The following CCDC180 variants were observed in gnomAD, a reference collection of about 807,000 sequenced individuals.
The protein encoded by CCDC180 is coiled-coil domain-containing protein 180.
A neutral mutation model predicts 209.2 loss-of-function variants in CCDC180; 154 were observed. The ratio of observed to expected loss-of-function variants is 0.74; its 90% CI spans 0.65 to 0.84. CCDC180 has a LOEUF of 0.84. Among genes scored for constraint, CCDC180 ranks in the 40% least tolerant of loss-of-function variants. The pLI is 0.00. For synonymous variants in CCDC180, 778 were observed against 749.1 expected, an observed-to-expected ratio of 1.04 and a Z score of -0.63; for missense variants, 1,874 against 1,997.3, an observed-to-expected ratio of 0.94 and a Z score of 1.18.
At chr9:97,351,360 G>A (rs1462462930) in intron 22 of CCDC180, among the ~76,000 whole-genome samples, 1 of 152,090 alleles carries the variant, frequency 6.6e-6, no homozygotes, top group Non-Finnish European at 1.5e-5. Context: ...CCTGTTAATG[G>A]GCGTGAGGTG....
At position 97,328,157 on chromosome 9, in the gene CCDC180, G is replaced by A; in HGVS notation, c.1788+11G>A. On this transcript the variant is annotated intron_variant, in intron 16 of 36. Transcript: ENST00000529487. ...GAAATCTTTGAACAGGTATGGAGAG[G>A]GTGATGATACACCCAGCCACTCATG... 1.2e-6 allele frequency: 2 copies of A among 1,612,036 alleles called. No individual in the cohort carries two copies. The highest frequency in any genetic ancestry group is 1.7e-4 in the Middle Eastern group (1 of 6,054).
intron 25 of CCDC180, 104 bp from the exon 26 acceptor site, chr9:97,359,878 G>A: frequency 6.9e-7 from 1 of 1,449,920 alleles, no homozygotes; most frequent in Non-Finnish European, 9.5e-7. Flanking sequence ...TAAGCCAAGA[G>A]GTATCCTCAT....
Position 97,362,326 on chromosome 9 carries a change from G to A in CCDC180, c.3787G>A (p.Val1263Ile). ...GAGGAVCSPPVLCSCPGPSSP... is the reference protein window; with the variant it reads ...GAGGAVCSPPILCSCPGPSSP... ...TGGTGGTGCTGTGTGCTCACCTCCT[G>A]TCCTCTGCTCCTGTCCTGGGCCCTC... is the stretch of plus-strand genomic sequence containing the variant. Residue 1263 changes from valine to isoleucine, a missense_variant, in exon 28 of 37, where the codon GTC (valine) becomes ATC (isoleucine). Val to Ile is a conservative substitution (Grantham distance 29). Coordinates refer to ENST00000529487, the MANE Select transcript of CCDC180 (RefSeq NM_020893.6). 6.2e-7 allele frequency: 1 copy of A among 1,614,120 alleles called. No individual in the cohort carries two copies.
At chr9:97,362,584 G>C in intron 28 of CCDC180, 143 bp downstream of exon 28, 1 of 1,234,126 alleles carries the variant, frequency 8.1e-7, no homozygotes, top group South Asian at 1.6e-5. Flanking sequence ...GCGCAGTGAG[G>C]GGTGAGCGCC....
At chr9:97,348,107 G>A (rs1826322397) in intron 20 of CCDC180, among the ~76,000 whole-genome samples, 1 of 62,652 alleles carries the variant, frequency 1.6e-5, no homozygotes, top group African/African-American at 7.8e-5. Flanking sequence ...GGTGGACTCT[G>A]TTAATGCGGG....
rs1475215436 is a variant in CCDC180 at position 97,328,145 on chromosome 9, A to G, written c.1787A>G (p.Gln596Arg). Residue 596 changes from glutamine (Q) to arginine (R), a missense_variant and splice_region_variant, in exon 16 of 37, where the codon CAG becomes CGG. Physicochemically the swap from Gln to Arg is conservative, Grantham distance 43. Coordinates refer to ENST00000529487, the MANE Select transcript of CCDC180 (RefSeq NM_020893.6). ...QYFFVREIFE[Q>R]NLAGEVIFKF... is the part of the protein sequence containing the mutation. ...TTCTTTGTGCGTGAAATCTTTGAAC[A>G]GGTATGGAGAGGGTGATGATACACC... The G allele has an allele frequency of 3.1e-6, 5 of 1,613,168 alleles. No homozygotes were observed. The African/African-American group carries it at 4.0e-5, about 13-fold the overall frequency.
chr9:97,366,623 A>G lies in CCDC180; in HGVS notation c.4112A>G (p.Gln1371Arg). The G allele has an allele frequency of 2.5e-6, 4 of 1,614,222 alleles. No homozygotes were observed. The highest frequency in any genetic ancestry group is 3.4e-6 in the Non-Finnish European group (4 of 1,180,040). Residue 1371 changes from glutamine to arginine, a missense_variant, in exon 31 of 37, where the codon CAG becomes CGG. Physicochemically the swap from Gln to Arg is conservative, Grantham distance 43. Coordinates refer to ENST00000529487, the MANE Select transcript of CCDC180 (RefSeq NM_020893.6). The surrounding 1 kb of genome is among the most constrained non-coding windows in gnomAD (Gnocchi z 4.3). ...RPDCMCDTFD[Q>R]CAENISKKIL... Reference sequence around the variant, plus strand: ...GACTGCATGTGTGACACCTTTGACCAGTGCGCCGAGAACATTAGCAAAAAG... The same window carrying G: ...GACTGCATGTGTGACACCTTTGACCGGTGCGCCGAGAACATTAGCAAAAAG...
At chr9:97,331,345 T>C (rs1825741726) in intron 18 of CCDC180, among the ~76,000 whole-genome samples, 1 of 152,230 alleles carries the variant, frequency 6.6e-6, no homozygotes, top group East Asian at 1.9e-4. Flanking sequence ...GTTGATTCCA[T>C]GTCTTAGCTA....
intron 15 of CCDC180, 48 bp from the exon 16 acceptor site, chr9:97,327,972 G>T: frequency 6.3e-7 from 1 of 1,586,512 alleles, no homozygotes; most frequent in Non-Finnish European, 8.6e-7. Flanking sequence ...TGGGGTCAGG[G>T]GTGTGGTTCC....
At chr9:97,372,953 C>G (rs1827145676) in intron 34 of CCDC180, 1 of 152,148 alleles carries the variant, frequency 6.6e-6, no homozygotes, top group Non-Finnish European at 1.5e-5. Flanking sequence ...TAAAGTAGGT[C>G]TGCATGTGCT....
intron 31 of CCDC180, among the ~76,000 whole-genome samples, chr9:97,367,867 C>CAGGG (rs1826971652): frequency 1.3e-5 from 2 of 152,232 alleles, no homozygotes; most frequent in South Asian, 4.1e-4. Context: ...ACAGACTTGG[C>CAGGG]ATGTACAGGG....
intron 11 of CCDC180, among the ~76,000 whole-genome samples, chr9:97,320,532 A>C (rs1366606668): frequency 6.6e-6 from 1 of 152,172 alleles, no homozygotes; most frequent in East Asian, 1.9e-4. Flanking sequence ...CATAGTATTG[A>C]TGCCCAGCTC....
intron 12 of CCDC180, among the ~76,000 whole-genome samples, chr9:97,323,457 T>A: frequency 6.6e-6 from 1 of 152,066 alleles, no homozygotes. Context: ...GTTCTCTGGG[T>A]TAGGGGAACT....
intron 11 of CCDC180, among the ~76,000 whole-genome samples, chr9:97,321,218 A>G (rs1484192534): frequency 6.6e-6 from 1 of 152,240 alleles, no homozygotes; most frequent in Non-Finnish European, 1.5e-5. Flanking sequence ...TTTCAACTGA[A>G]GATATTTTCA....
At chr9:97,374,683 G>A in intron 35 of CCDC180, 35 bp downstream of exon 35, 3 of 1,534,720 alleles carry the variant, frequency 2.0e-6, no homozygotes, top group Non-Finnish European at 1.8e-6. Flanking sequence ...TACTGTAAAT[G>A]GCTGTATCTG....
chr9:97,375,405 T>C (rs1354087824), intron 35 of CCDC180, 49 bp from the exon 36 acceptor site: 1 of 1,610,362 alleles, frequency 6.2e-7, no homozygotes, highest in Non-Finnish European at 8.5e-7. Context: ...AGGTGGATTA[T>C]GAAAGATGAA....
At chr9:97,326,730 A>G in intron 15 of CCDC180, 61 bp downstream of exon 15, 1 of 1,098,804 alleles carries the variant, frequency 9.1e-7, no homozygotes, top group Non-Finnish European at 1.4e-6. Context: ...TTCAAGGTCA[A>G]GGGCAGCCTG....
chr9:97,307,434 C>T, upstream of CCDC180: 1 of 581,998 alleles, frequency 1.7e-6, no homozygotes, highest in Non-Finnish European at 3.2e-6. Context: ...ATCTACCGGG[C>T]TCAGGGGGAC....
At chr9:97,343,587 T>A in intron 19 of CCDC180, 24 bp downstream of exon 19, 1 of 1,494,750 alleles carries the variant, frequency 6.7e-7, no homozygotes, top group Non-Finnish European at 9.3e-7. Flanking sequence ...TATTTTATTC[T>A]CATCCTGTTG....
Sources: gnomAD v4.1 joint callset for allele counts (sites outside exome capture counted in the v4.1 genomes callset) on GRCh38, gnomAD v4.1.1 for gene constraint, Gnocchi (gnomAD v3.1) non-coding constraint, MANE v1.5 for transcripts, NCBI Gene and HGNC (gene_info 2026-07-23, HGNC 2026-07-21) for gene names.